SCARA5: variants seen among roughly 807,000 people sequenced by gnomAD.
SCARA5 encodes the protein scavenger receptor class A, member 5 (putative).
In SCARA5, 45 loss-of-function variants were observed where a neutral mutation model predicts 46.3. The ratio of observed to expected loss-of-function variants is 0.97; its 90% CI spans 0.76 to 1.24. The LOEUF is 1.24. SCARA5 is among the 50% of genes most tolerant of loss of function. The pLI is 0.00. For missense variants in SCARA5, 680 were observed against 689.0 expected, an observed-to-expected ratio of 0.99 and a Z score of 0.15; for synonymous variants, 333 against 306.5, an observed-to-expected ratio of 1.09 and a Z score of -0.90.
At chr8:27,970,872 A>C (rs1452218203) in intron 2 of SCARA5, among the ~76,000 whole-genome samples, 1 of 152,042 alleles carries the variant, frequency 6.6e-6, no homozygotes, top group African/African-American at 2.4e-5. Context: ...AAATTAACAA[A>C]ATTTTGGCTT....
At chr8:27,943,556 CCTAAG>C (rs1427516369) in intron 3 of SCARA5, among the ~76,000 whole-genome samples, 1 of 152,208 alleles carries the variant, frequency 6.6e-6, no homozygotes, top group Non-Finnish European at 1.5e-5. Context: ...TGGGGAGAAG[CCTAAG>C]CTGTGGTGCT....
intron 7 of SCARA5, among the ~76,000 whole-genome samples, chr8:27,898,743 T>C (rs909491673): frequency 2.6e-5 from 4 of 152,148 alleles, no homozygotes; most frequent in African/African-American, 9.7e-5. Context: ...ACCACGTGAT[T>C]AGGAAGTTGG....
chr8:27,879,884 G>A (rs1806784700), intron 7 of SCARA5, 118 bp from the exon 8 acceptor site: 2 of 920,934 alleles, frequency 2.2e-6, no homozygotes, highest in South Asian at 3.2e-5. Flanking sequence ...GGGCCCAGCT[G>A]TATCAAGACT....
chr8:27,902,811 G>T (rs1056033988), intron 7 of SCARA5, among the ~76,000 whole-genome samples: 8 of 152,178 alleles, frequency 5.3e-5, no homozygotes, highest in South Asian at 4.2e-4. Flanking sequence ...CTACTAGATG[G>T]CCTCATTCAG....
chr8:27,930,646 C>T (rs974978864), intron 3 of SCARA5, among the ~76,000 whole-genome samples: 4 of 152,176 alleles, frequency 2.6e-5, no homozygotes, highest in African/African-American at 9.7e-5. Flanking sequence ...AGGTGATCCG[C>T]CCCCCTCGGC....
chr8:27,971,042 A>T (rs1452583832), intron 2 of SCARA5, among the ~76,000 whole-genome samples: 2 of 152,228 alleles, frequency 1.3e-5, no homozygotes, highest in Non-Finnish European at 2.9e-5. Context: ...TGGGAAGGAG[A>T]GACTTTGTTA....
At chr8:27,988,444 T>C (rs1808737615) in intron 1 of SCARA5, among the ~76,000 whole-genome samples, 2 of 152,234 alleles carry the variant, frequency 1.3e-5, no homozygotes, top group African/African-American at 4.8e-5. Context: ...CGCAACAATG[T>C]GTACAACACG....
intron 7 of SCARA5, among the ~76,000 whole-genome samples, chr8:27,899,597 G>A (rs139076764): frequency 2.0e-5 from 3 of 152,216 alleles, no homozygotes; most frequent in South Asian, 2.1e-4. Flanking sequence ...CCAAGGCTCC[G>A]CCATTACAAT....
intron 4 of SCARA5, among the ~76,000 whole-genome samples, chr8:27,916,465 G>GTA (rs370329401): frequency 1.3e-5 from 2 of 152,262 alleles, no homozygotes; most frequent in East Asian, 3.9e-4. Flanking sequence ...GCAGGTATGC[G>GTA]TATATGTGTG....
At chr8:27,916,426 T>G (rs1447832230) in intron 4 of SCARA5, among the ~76,000 whole-genome samples, 3 of 152,146 alleles carry the variant, frequency 2.0e-5, no homozygotes, top group Non-Finnish European at 4.4e-5. Flanking sequence ...CGTGTACACA[T>G]GGGTATGTGT....
rs10094654 is a variant in SCARA5 at position 27,880,143 on chromosome 8, T to A, written c.1154-377A>T. Among the ~76,000 whole-genome samples, 461 of 62,478 alleles carry A rather than the reference T, an allele frequency of 7.4e-3. 3 individuals are homozygous for A. The highest frequency in any genetic ancestry group is 0.028 in the African/African-American group (441 of 15,692). The allele number at this position is 62,478 out of a possible 152,430, so 41.0% of individuals were successfully genotyped here. ...GCGCTGGGATAGTTGGCTAGCCGTA[T>A]GCAGAAGAATGAAACTGGAGGACCC... On this transcript the variant is annotated intron_variant, in intron 7 of 8. Coordinates refer to ENST00000354914, the MANE Select transcript of SCARA5 (RefSeq NM_173833.6).
rs190623536 is a variant in SCARA5 at position 27,946,520 on chromosome 8, T to C, written c.241+19894A>G. ...ACCAGCCCTGTTAGCACCTTGATCTTGGACTTGCAGCCTTCCTGAGAGAAA... is the reference window on the plus strand; with the variant it reads ...ACCAGCCCTGTTAGCACCTTGATCTCGGACTTGCAGCCTTCCTGAGAGAAA... On this transcript the variant is annotated intron_variant, in intron 3 of 8. Coordinates refer to ENST00000354914, the MANE Select transcript of SCARA5 (RefSeq NM_173833.6). Among the ~76,000 whole-genome samples, 184 of 152,352 alleles carry C rather than the reference T, an allele frequency of 1.2e-3. 1 individual carries two copies. Among genetic ancestry groups the C allele is most frequent in the Non-Finnish European group, 2.2e-3 (148 of 68,036 alleles).
intron 7 of SCARA5, among the ~76,000 whole-genome samples, chr8:27,885,642 G>C (rs1261729984): frequency 2.0e-5 from 3 of 152,048 alleles, no homozygotes; most frequent in Non-Finnish European, 4.4e-5. Context: ...CCAACATCAG[G>C]GCCCCAAATC....
chr8:27,985,561 C>T (rs1808693300), intron 2 of SCARA5, among the ~76,000 whole-genome samples: 1 of 152,206 alleles, frequency 6.6e-6, no homozygotes, highest in African/African-American at 2.4e-5. Flanking sequence ...CAATTTTACA[C>T]ACAGAATTCT....
intron 2 of SCARA5, among the ~76,000 whole-genome samples, chr8:27,969,523 G>C (rs1808416795): frequency 6.6e-6 from 1 of 152,318 alleles, no homozygotes; most frequent in African/African-American, 2.4e-5. Context: ...AACAGGCGGA[G>C]CACGGGGGAT....
At chr8:27,905,731 G>T (rs1807250654) in intron 6 of SCARA5, among the ~76,000 whole-genome samples, 1 of 134,392 alleles carries the variant, frequency 7.4e-6, no homozygotes, top group Non-Finnish European at 1.5e-5. Context: ...TTGAGACAGG[G>T]TCTCACTCTG....
Position 27,921,725 on chromosome 8 carries a change from G to T in SCARA5, c.762C>A (p.Asn254Lys), listed in dbSNP as rs774626611. Residue 254 changes from asparagine (N) to lysine (K), a missense_variant, in exon 4 of 9, where the codon AAC becomes AAA. Coordinates refer to ENST00000354914, the MANE Select transcript of SCARA5 (RefSeq NM_173833.6). ...RLQDLRVLVS[N>K]ASEDTRRLRL... ...GCAGGCGGCGCGTGTCCTCGCTGGC[G>T]TTGCTCACCAGCACCCGCAGGTCCT... is the stretch of plus-strand genomic sequence containing the variant. The T allele has an allele frequency of 1.3e-6, 2 of 1,593,186 alleles. No homozygotes were observed. The highest frequency in any genetic ancestry group is 1.7e-6 in the Non-Finnish European group (2 of 1,171,776).
chr8:27,963,275 AG>A (rs1808318365), intron 3 of SCARA5, among the ~76,000 whole-genome samples: 1 of 152,114 alleles, frequency 6.6e-6, no homozygotes, highest in African/African-American at 2.4e-5. Flanking sequence ...TGCTGGATTG[AG>A]GACCCCCTGG....
At chr8:27,962,431 A>G (rs183959662) in intron 3 of SCARA5, among the ~76,000 whole-genome samples, 1 of 152,176 alleles carries the variant, frequency 6.6e-6, no homozygotes, top group Non-Finnish European at 1.5e-5. Context: ...AACAAATAAC[A>G]TCCTCAACAT....
Sources: gnomAD v4.1 joint callset for allele counts (sites outside exome capture counted in the v4.1 genomes callset) on GRCh38, gnomAD v4.1.1 for gene constraint, MANE v1.5 for transcripts, NCBI Gene and HGNC (gene_info 2026-07-23, HGNC 2026-07-21) for gene names.